The following GTF3C4 variants were observed in gnomAD, a reference collection of about 807,000 sequenced individuals.
GTF3C4 encodes general transcription factor IIIC subunit 4.
Under a neutral mutation model 67.5 loss-of-function variants are expected in GTF3C4, and 28 were observed. The ratio of observed to expected loss-of-function variants is 0.41; its 90% confidence interval spans 0.31 to 0.57. The LOEUF is 0.57. Among genes scored for constraint, GTF3C4 ranks in the 20% least tolerant of loss-of-function variants. The probability of loss-of-function intolerance (pLI) is 0.21; values close to 1 mark genes in which losing one functional copy is unlikely to be tolerated. For missense variants in GTF3C4, 831 were observed against 1,033.2 expected (o/e 0.80, Z 2.68); for synonymous variants, 409 against 393.0 (o/e 1.04, Z -0.48).
intron 4 of GTF3C4, 152 bp downstream of exon 4, chr9:132,687,479 A>G (rs2130902781): frequency 1.6e-6 from 1 of 614,232 alleles, no homozygotes; most frequent in Non-Finnish European, 3.0e-6. Context: ...GCTGCTCTTT[A>G]CGGTGTTACT....
At position 132,677,392 on chromosome 9, in the gene GTF3C4, ACT is replaced by A. The variant is rs377077817; in HGVS notation, c.358-582_358-581del. 2.6e-4 allele frequency among the ~76,000 whole-genome samples: 40 copies of A among 152,140 alleles called. 1 individual carries two copies. The South Asian group carries it at 2.7e-3, about 10-fold the overall frequency. On this transcript the variant is annotated intron_variant, in intron 1 of 4. Transcript: ENST00000372146. ...ACTCCAGCCCGGGCGACAGAATGAG[ACT>A]CTGTCTTACTGTCCCATACATGTTA...
chr9:132,677,256 G>T (rs897652988), intron 1 of GTF3C4, among the ~76,000 whole-genome samples: 1 of 152,186 alleles, frequency 6.6e-6, no homozygotes, highest in Non-Finnish European at 1.5e-5. Context: ...ACAAAAATTA[G>T]CTGGGTGTGG....
At position 132,670,881 on chromosome 9, in the gene GTF3C4, G is replaced by A; in HGVS notation, c.283G>A (p.Val95Met). The part of the protein sequence containing the change: ...SIAVLELICD[V>M]HNPGQDLVIH... ...CGCTGTGCTGGAGCTCATCTGCGAC[G>A]TGCACAACCCGGGCCAGGACCTGGT... The change falls in exon 1 of 5, where the codon GTG (valine) becomes ATG (methionine). Residue 95 changes from valine (V) to methionine (M), a missense_variant. Transcript: ENST00000372146. 6.2e-7 allele frequency: 1 copy of A among 1,612,528 alleles called. No homozygotes were observed. Among genetic ancestry groups the A allele is most frequent in the Non-Finnish European group, 8.5e-7 (1 of 1,179,956 alleles).
Position 132,678,181 on chromosome 9 carries a change from G to A in GTF3C4, c.562G>A (p.Asp188Asn). The A allele has an allele frequency of 6.2e-7, 1 of 1,614,258 alleles. No individual in the cohort carries two copies. The highest frequency in any genetic ancestry group is 1.3e-5 in the African/African-American group (1 of 75,066). The change falls in exon 2 of 5, where the codon GAC (aspartate) becomes AAC (asparagine). Residue 188 changes from aspartate to asparagine, a missense_variant. Asp to Asn is a conservative substitution (Grantham distance 23). Coordinates refer to ENST00000372146, the MANE Select transcript of GTF3C4 (RefSeq NM_012204.4). The surrounding 1 kb of genome is among the most constrained non-coding windows in gnomAD (Gnocchi z 6.5). ...GTGCCTCTTGGCAGCACTGACCATG[G>A]ACAATCGCCTGACCATCCAGGCAAA... ...GRCLLAALTM[D>N]NRLTIQANLN...
At position 132,693,682 on chromosome 9, in the gene GTF3C4, G is replaced by A. The variant is rs902171208; in HGVS notation, c.*4737G>A. 1 of 151,986 alleles carries A rather than the reference G, an allele frequency of 6.6e-6. No individual in the cohort carries two copies. The highest frequency in any genetic ancestry group is 2.4e-5 in the African/African-American group (1 of 41,366). 9.4% of individuals were successfully genotyped at this position (151,986 alleles called of 1,614,324 possible). A position where few individuals can be genotyped will look rare whatever the true frequency, so the allele number is the denominator to read the frequency against. On this transcript the variant is annotated 3_prime_UTR_variant, in exon 5 of 5. Transcript: ENST00000372146. The stretch of plus-strand genomic sequence containing the variant: ...AAAAATCCTGTAAAATGGTCAAATT[G>A]GATAATGTAAGAGATAATGATGGCT...
rs1026039125 is a variant in GTF3C4, at chr9:132,692,193, T to C, written c.*3248T>C. On this transcript the variant is annotated 3_prime_UTR_variant, in exon 5 of 5. Transcript: ENST00000372146. ...CCCCCAGACACCCTCTTGGTTTCCA[T>C]TCCTTTAGTTCCCTCTGCTTTAGAA... 1 of 152,234 alleles carries C rather than the reference T, an allele frequency of 6.6e-6. No individual in the cohort carries two copies. The highest frequency in any genetic ancestry group is 1.5e-5 in the Non-Finnish European group (1 of 68,046). 9.4% of individuals were successfully genotyped at this position (152,234 alleles called of 1,614,324 possible).
chr9:132,684,656 C>G (rs142278417), intron 3 of GTF3C4, among the ~76,000 whole-genome samples: 6 of 152,320 alleles, frequency 3.9e-5, no homozygotes, highest in Admixed American at 1.3e-4. Context: ...TGGCTTCATT[C>G]CTCAGGTACG....
chr9:132,678,025 T>C lies in GTF3C4; in HGVS notation c.406T>C (p.Ser136Pro). The change falls in exon 2 of 5, where the codon TCC (serine) becomes CCC (proline). Residue 136 changes from serine to proline, a missense_variant. Ser to Pro is a moderately conservative substitution (Grantham distance 74, BLOSUM62 -1). This residue lies in a region of GTF3C4 where 237 missense variants were observed against 212.7 expected (regional missense o/e 1.11). Transcript: ENST00000372146. The surrounding 1 kb of genome is among the most constrained non-coding windows in gnomAD (Gnocchi z 6.5). ...VAECKEKFAASKDPTVSQTFM... is the reference protein window; with the variant it reads ...VAECKEKFAAPKDPTVSQTFM... ...TGAGTGCAAGGAGAAATTCGCCGCC[T>C]CCAAGGACCCCACGGTCAGTCAGAC... is the stretch of plus-strand genomic sequence containing the variant. The C allele has an allele frequency of 8.1e-6, 13 of 1,613,454 alleles. No individual in the cohort carries two copies. The highest frequency in any genetic ancestry group is 1.1e-5 in the Non-Finnish European group (13 of 1,179,722).
chr9:132,686,289 TGACTA>T (rs1836026218), intron 3 of GTF3C4, among the ~76,000 whole-genome samples: 1 of 152,200 alleles, frequency 6.6e-6, no homozygotes, highest in Admixed American at 6.5e-5. Context: ...TCATTTTTCT[TGACTA>T]AAGTTAGGGC....
chr9:132,688,984 C>G lies in GTF3C4; in HGVS notation c.*39C>G. The stretch of plus-strand genomic sequence containing the variant: ...GGAAGATGGAAGGGCATGATGAACT[C>G]TGCCATAGAAAACTTCCTCCAGCCT... On this transcript the variant is annotated 3_prime_UTR_variant, in exon 5 of 5. Transcript: ENST00000372146. 6.8e-7 allele frequency: 1 copy of G among 1,478,702 alleles called. No homozygotes were observed. Among genetic ancestry groups the G allele is most frequent in the Non-Finnish European group, 9.4e-7 (1 of 1,058,942 alleles). 91.6% of individuals were successfully genotyped at this position (1,478,702 alleles called of 1,614,324 possible).
At chr9:132,680,057 C>G (rs552773243) in intron 2 of GTF3C4, among the ~76,000 whole-genome samples, 1 of 152,260 alleles carries the variant, frequency 6.6e-6, no homozygotes, top group East Asian at 1.9e-4. Context: ...ATGAGCTTTC[C>G]AGACTGGATT....
chr9:132,683,502 G>C, intron 2 of GTF3C4, 61 bp from the exon 3 acceptor site: 1 of 1,445,662 alleles, frequency 6.9e-7, no homozygotes, highest in Non-Finnish European at 9.4e-7. Context: ...GTGTTTGTAG[G>C]CTTTTTCTTC....
intron 3 of GTF3C4, among the ~76,000 whole-genome samples, chr9:132,684,235 G>A (rs1835991404): frequency 6.6e-6 from 1 of 152,126 alleles, no homozygotes; most frequent in Non-Finnish European, 1.5e-5. Flanking sequence ...TTTAAACATA[G>A]AGTTTTTGCC....
chr9:132,674,237 T>C (rs1160349141), intron 1 of GTF3C4, among the ~76,000 whole-genome samples: 1 of 152,228 alleles, frequency 6.6e-6, no homozygotes, highest in Non-Finnish European at 1.5e-5. Context: ...AGTGGTCAAC[T>C]GGAAACTGGA....
chr9:132,683,400 C>T (rs1835977349), intron 2 of GTF3C4, among the ~76,000 whole-genome samples, 163 bp from the exon 3 acceptor site: 1 of 150,980 alleles, frequency 6.6e-6, no homozygotes, highest in Admixed American at 6.6e-5. Context: ...ATTTTTCAGA[C>T]AGTATAATCA....
chr9:132,688,418 A>G (rs1836062679), intron 4 of GTF3C4, among the ~76,000 whole-genome samples: 1 of 152,250 alleles, frequency 6.6e-6, no homozygotes, highest in Non-Finnish European at 1.5e-5. Context: ...ACTGGATCTA[A>G]GAAGAGCACT....
intron 1 of GTF3C4, among the ~76,000 whole-genome samples, chr9:132,671,161 A>G (rs116537971): frequency 0.012 from 1,778 of 150,554 alleles, 34 homozygotes; most frequent in African/African-American, 0.041. Context: ...CTGTTTCCCC[A>G]GGTCACCCGC....
intron 1 of GTF3C4, among the ~76,000 whole-genome samples, chr9:132,674,732 A>G (rs1047699418): frequency 6.6e-6 from 1 of 152,220 alleles, no homozygotes; most frequent in Non-Finnish European, 1.5e-5. Context: ...TAAATATCTT[A>G]TTAACATTTA....
intron 2 of GTF3C4, among the ~76,000 whole-genome samples, chr9:132,681,934 G>A (rs1258214717): frequency 6.9e-6 from 1 of 143,976 alleles, no homozygotes; most frequent in African/African-American, 2.6e-5. Context: ...GCCAGCCTGA[G>A]CAACATGGTG....
Sources: gnomAD v4.1 joint callset for allele counts (sites outside exome capture counted in the v4.1 genomes callset) on GRCh38, gnomAD v4.1.1 for gene constraint, gnomAD v4.1.1 regional missense constraint, Gnocchi (gnomAD v3.1) non-coding constraint, MANE v1.5 for transcripts, NCBI Gene and HGNC (gene_info 2026-07-23, HGNC 2026-07-21) for gene names.